GRM5: variants seen among roughly 807,000 people sequenced by gnomAD.
GRM5 encodes the protein metabotropic glutamate receptor 5.
In GRM5, 19 loss-of-function variants were observed where a neutral mutation model predicts 83.1. The ratio of observed to expected loss-of-function variants is 0.23; its 90% confidence interval spans 0.16 to 0.34. GRM5 has a LOEUF of 0.34. Ranked by LOEUF, GRM5 falls within the 10% of genes least tolerant of loss-of-function variation. The pLI, the probability that GRM5 is intolerant of heterozygous loss-of-function variation, is 1.00. For missense variants in GRM5, 1,160 were observed against 1,588.3 expected (o/e 0.73, Z 4.58); for synonymous variants, 675 against 633.6 (o/e 1.07, Z -0.98).
intron 2 of GRM5, among the ~76,000 whole-genome samples, chr11:88,903,031 G>A (rs1244677800): frequency 6.6e-6 from 1 of 151,516 alleles, no homozygotes; most frequent in Non-Finnish European, 1.5e-5. Flanking sequence ...GCAACAGCAG[G>A]GGAAATGTTA....
chr11:88,869,815 A>G (rs1289469649), intron 2 of GRM5, among the ~76,000 whole-genome samples: 1 of 151,574 alleles, frequency 6.6e-6, no homozygotes, highest in Admixed American at 6.6e-5. Flanking sequence ...TGCCTCTATA[A>G]AAAAGAGGGG....
At chr11:88,718,615 A>C (rs191762333) in intron 3 of GRM5, among the ~76,000 whole-genome samples, 20 of 152,072 alleles carry the variant, frequency 1.3e-4, no homozygotes, top group Non-Finnish European at 2.2e-4. Flanking sequence ...GTCATCTTTT[A>C]ATCCTTTGTT....
At chr11:89,027,228 T>C (rs1297734162) in intron 2 of GRM5, among the ~76,000 whole-genome samples, 1 of 152,014 alleles carries the variant, frequency 6.6e-6, no homozygotes, top group Admixed American at 6.6e-5. Flanking sequence ...CCCAAGTAAC[T>C]GGGACTACAG....
chr11:88,904,339 C>T lies in GRM5; in HGVS notation c.662-54184G>A, dbSNP rs1305584850. The stretch of plus-strand genomic sequence containing the variant: ...CATACTTTAAAAACATTTTCTCAAC[C>T]AAAGATAATTTATTTATAATTAATT... On this transcript the variant is annotated intron_variant, in intron 2 of 9. Transcript: ENST00000305447. Among the ~76,000 whole-genome samples, 12 of 152,198 alleles carry T rather than the reference C, an allele frequency of 7.9e-5. 1 individual carries two copies. The South Asian group carries it at 1.0e-3, about 13-fold the overall frequency.
chr11:88,670,790 A>AC (rs1940172496), intron 3 of GRM5, among the ~76,000 whole-genome samples: 1 of 152,038 alleles, frequency 6.6e-6, no homozygotes. Flanking sequence ...AAAGTTAAAA[A>AC]CGATCGACAT....
chr11:88,801,944 G>A (rs531986776), intron 3 of GRM5, among the ~76,000 whole-genome samples: 3 of 152,206 alleles, frequency 2.0e-5, no homozygotes, highest in Non-Finnish European at 4.4e-5. Flanking sequence ...CCATGTGGAT[G>A]ATGCAATAAG....
intron 8 of GRM5, among the ~76,000 whole-genome samples, chr11:88,526,260 G>A (rs1941874917): frequency 6.6e-6 from 1 of 152,144 alleles, no homozygotes; most frequent in African/African-American, 2.4e-5. Flanking sequence ...CTTCTACGTG[G>A]TGCATCAAGA....
intron 2 of GRM5, among the ~76,000 whole-genome samples, chr11:88,862,155 C>T (rs1944576160): frequency 6.6e-6 from 1 of 152,250 alleles, no homozygotes. Flanking sequence ...GTCACAAGTG[C>T]CCTCGACAGA....
At chr11:88,785,207 T>C (rs1943045944) in intron 3 of GRM5, among the ~76,000 whole-genome samples, 1 of 152,066 alleles carries the variant, frequency 6.6e-6, no homozygotes. Flanking sequence ...CTTAGTAACA[T>C]TAAAATTGCA....
At chr11:88,673,582 A>G (rs1940245793) in intron 3 of GRM5, among the ~76,000 whole-genome samples, 1 of 151,918 alleles carries the variant, frequency 6.6e-6, no homozygotes, top group Admixed American at 6.6e-5. Flanking sequence ...GAATGTGATC[A>G]CCCAATGAGG....
chr11:88,658,421 A>G (rs1416426569), intron 3 of GRM5, among the ~76,000 whole-genome samples: 1 of 152,110 alleles, frequency 6.6e-6, no homozygotes, highest in Non-Finnish European at 1.5e-5. Context: ...TCCCACGGAG[A>G]GGAGCAGTGT....
At chr11:88,875,785 A>T (rs1944843879) in intron 2 of GRM5, among the ~76,000 whole-genome samples, 1 of 152,088 alleles carries the variant, frequency 6.6e-6, no homozygotes, top group African/African-American at 2.4e-5. Context: ...ATTGTCATAA[A>T]GCAGTAATAT....
intron 3 of GRM5, among the ~76,000 whole-genome samples, chr11:88,746,843 C>T (rs10831347): frequency 0.15 from 22,595 of 152,030 alleles, 1,973 homozygotes; most frequent in African/African-American, 0.23. Context: ...AATATCAAAA[C>T]TTAAAAATTT....
intron 3 of GRM5, among the ~76,000 whole-genome samples, chr11:88,806,989 C>T (rs944344275): frequency 1.3e-5 from 2 of 152,144 alleles, no homozygotes; most frequent in Non-Finnish European, 2.9e-5. Context: ...TCTGTGAAGT[C>T]TTCCCTAACT....
At chr11:88,660,410 A>C (rs1203807296) in intron 3 of GRM5, among the ~76,000 whole-genome samples, 2 of 152,202 alleles carry the variant, frequency 1.3e-5, no homozygotes, top group Non-Finnish European at 2.9e-5. Flanking sequence ...ATGGATTTTC[A>C]CTAGTTGAAC....
intron 3 of GRM5, among the ~76,000 whole-genome samples, chr11:88,802,462 AAGGCGTTTGACAAAATT>A (rs1174564139): frequency 2.2e-5 from 3 of 136,932 alleles, no homozygotes; most frequent in African/African-American, 9.2e-5. Flanking sequence ...AGATGCAGAA[AAGGCGTTTGACAAAATT>A]CAACAACCTT....
At chr11:88,987,778 A>G (rs1450616958) in intron 2 of GRM5, among the ~76,000 whole-genome samples, 2 of 151,770 alleles carry the variant, frequency 1.3e-5, no homozygotes, top group Non-Finnish European at 2.9e-5. Flanking sequence ...AGGGTACTCC[A>G]ACAGACCTGC....
At chr11:88,648,618 C>T (rs1363615117) in intron 4 of GRM5, among the ~76,000 whole-genome samples, 7 of 131,232 alleles carry the variant, frequency 5.3e-5, no homozygotes, top group Non-Finnish European at 1.1e-4. Flanking sequence ...CTAACCTGCA[C>T]AATGTGCACA....
chr11:89,011,403 G>T (rs1940694902), intron 2 of GRM5, among the ~76,000 whole-genome samples: 5 of 152,056 alleles, frequency 3.3e-5, no homozygotes, highest in Admixed American at 3.3e-4. Flanking sequence ...GAATATCGTG[G>T]GAATAACTTA....
Sources: gnomAD v4.1 joint callset for allele counts (sites outside exome capture counted in the v4.1 genomes callset) on GRCh38, gnomAD v4.1.1 for gene constraint, MANE v1.5 for transcripts, NCBI Gene and HGNC (gene_info 2026-07-23, HGNC 2026-07-21) for gene names.